PRAME: variants seen among roughly 807,000 people sequenced by gnomAD.
PRAME encodes the protein PRAME nuclear receptor transcriptional regulator.
Under a neutral mutation model 32.1 loss-of-function variants are expected in PRAME, and 21 were observed. The observed-to-expected ratio is 0.65, with a 90% CI of 0.46 to 0.94. The LOEUF (loss-of-function observed/expected upper bound fraction) is 0.94. PRAME is among the 40% of genes least tolerant of loss of function. PRAME has a pLI of 0.00. For missense variants in PRAME, 651 were observed against 622.3 expected (o/e 1.05, Z -0.49); for synonymous variants, 274 against 251.5 (o/e 1.09, Z -0.85).
intron 3 of PRAME, among the ~76,000 whole-genome samples, chr22:22,552,405 CAAAAA>C (rs10709082): frequency 2.5e-5 from 3 of 121,542 alleles, no homozygotes; most frequent in African/African-American, 8.7e-5. Context: ...TTTTATTTTC[CAAAAA>C]AAAAAAAAAA....
chr22:22,552,686 C>A, intron 3 of PRAME: 1 of 305,822 alleles, frequency 3.3e-6, no homozygotes, highest in East Asian at 8.4e-5. Flanking sequence ...AGAACAAAGC[C>A]TGTTCCTTTG....
chr22:22,550,104 A>G lies in PRAME; in HGVS notation c.575T>C (p.Phe192Ser). 2 of 1,613,888 alleles carry G rather than the reference A, an allele frequency of 1.2e-6. No individual in the cohort carries two copies. The highest frequency in any genetic ancestry group is 1.7e-6 in the Non-Finnish European group (2 of 1,179,978). The change falls in exon 5 of 6, where the codon TTC becomes TCC. Residue 192 changes from phenylalanine (F) to serine (S), a missense_variant. Phe to Ser is a radical substitution (Grantham distance 155, BLOSUM62 -2). Coordinates refer to ENST00000405655, the MANE Select transcript of PRAME (RefSeq NM_206956.3). The stretch of plus-strand genomic sequence containing the variant: ...CTTCACTTTCTCAATGAGGTAGGAG[A>G]ACAATTCATCACAGGCACCTTCCTT... ...FLKEGACDEL[F>S]SYLIEKVKRK... is the part of the protein sequence containing the mutation.
In PRAME at chr22:22,550,882, G is replaced by A. The variant is rs774316980; in HGVS notation, c.229C>T (p.Pro77Ser). 6.2e-7 allele frequency: 1 copy of A among 1,613,860 alleles called. No individual in the cohort carries two copies. The highest frequency in any genetic ancestry group is 1.1e-5 in the South Asian group (1 of 91,078). The change falls in exon 4 of 6, where the codon CCC becomes TCC. Residue 77 changes from proline (P) to serine (S), a missense_variant. By Grantham distance (74) the Pro-to-Ser change is moderately conservative. Coordinates refer to ENST00000405655, the MANE Select transcript of PRAME (RefSeq NM_206956.3). ...ACTCCCAGAGGGAGGCAGGTGAAGG[G>A]CCAGGCCTGCACCATTGCCTTCAGG... ...QTLKAMVQAW[P>S]FTCLPLGVLM...
intron 3 of PRAME, among the ~76,000 whole-genome samples, chr22:22,556,166 A>AT (rs944139537): frequency 1.3e-5 from 2 of 150,320 alleles, no homozygotes; most frequent in African/African-American, 2.5e-5. Flanking sequence ...CGCCCAGCTA[A>AT]TTTTTTTTCT....
chr22:22,548,383 C>A lies in PRAME; in HGVS notation c.1214G>T (p.Cys405Phe). 1 of 1,613,460 alleles carries A rather than the reference C, an allele frequency of 6.2e-7. No homozygotes were observed. The highest frequency in any genetic ancestry group is 1.7e-4 in the Middle Eastern group (1 of 6,054). Residue 405 changes from cysteine (C) to phenylalanine (F), a missense_variant, in exon 6 of 6, where the codon TGC becomes TTC. By Grantham distance (205) the Cys-to-Phe change is radical (BLOSUM62 -2). Coordinates refer to ENST00000405655, the MANE Select transcript of PRAME (RefSeq NM_206956.3). The stretch of plus-strand genomic sequence containing the variant: ...GAAGCTTAAGGTCGTAAGCTGGGAG[C>A]AGTGGCTCAGGGAAGGCAGGAGGGC... ...LLALLPSLSH[C>F]SQLTTLSFYG...
chr22:22,554,088 A>G (rs893573122), intron 3 of PRAME: 13 of 930,924 alleles, frequency 1.4e-5, no homozygotes, highest in Non-Finnish European at 1.6e-5. Context: ...GCACAAATAC[A>G]TTTTCCGTCA....
At position 22,559,216 on chromosome 22, in the gene PRAME, G is replaced by C. The variant is rs2063182902; in HGVS notation, c.-359C>G. ...CCTGGGAAGCGGGTGGGGTGTCCCG[G>C]AGCGGTGCTGAGGCGCTGCAGGCCC... On this transcript the variant is annotated 5_prime_UTR_variant, in exon 1 of 6. Transcript: ENST00000405655. 3.4e-6 allele frequency: 1 copy of C among 296,068 alleles called. No homozygotes were observed. Among genetic ancestry groups the C allele is most frequent in the Non-Finnish European group, 6.6e-6 (1 of 151,288 alleles). The allele number at this position is 296,068 out of a possible 1,614,324, so 18.3% of individuals were successfully genotyped here.
chr22:22,551,158 C>A, intron 3 of PRAME, 69 bp from the exon 4 acceptor site: 1 of 1,427,886 alleles, frequency 7.0e-7, no homozygotes, highest in Non-Finnish European at 9.5e-7. Context: ...CTTTTCCTCA[C>A]CCTTCTGAGG....
chr22:22,558,602 G>A (rs1240910395), intron 1 of PRAME, among the ~76,000 whole-genome samples: 2 of 142,554 alleles, frequency 1.4e-5, no homozygotes, highest in African/African-American at 5.2e-5. Context: ...AATACGTGAT[G>A]GCTGCGGCCT....
chr22:22,548,430 C>A lies in PRAME; in HGVS notation c.1167G>T (p.Gly389=). 6.2e-7 allele frequency: 1 copy of A among 1,613,582 alleles called. No homozygotes were observed. The highest frequency in any genetic ancestry group is 8.5e-7 in the Non-Finnish European group (1 of 1,179,936). Residue 389 remains glycine (G), a synonymous_variant, in exon 6 of 6, where the codon GGG becomes GGT. Transcript: ENST00000405655. ...GGGCAAGGAGCTGATCATCCGTGAT[C>A]CCACACTCATCAAAGACCAGGTCCT... ...TLQDLVFDEC[G]ITDDQLLALL...
chr22:22,548,852 TCTCAAACACTC>T (rs1171991368), intron 5 of PRAME, among the ~76,000 whole-genome samples: 1 of 151,784 alleles, frequency 6.6e-6, no homozygotes, highest in African/African-American at 2.4e-5. Flanking sequence ...TAAACAAAGA[TCTCAAACACTC>T]CCTTGGCTCA....
At chr22:22,551,602 A>G (rs1328336220) in intron 3 of PRAME, among the ~76,000 whole-genome samples, 1 of 151,058 alleles carries the variant, frequency 6.6e-6, no homozygotes, top group Admixed American at 6.6e-5. Context: ...CAGAAGCAGC[A>G]CAACAGTATT....
Position 22,548,517 on chromosome 22 carries a change from C to T in PRAME, c.1080G>A (p.Met360Ile). ...QLSVLSLSGV[M>I]LTDVSPEPLQ... ...GGGGCTCGGGACTTACATCGGTCAG[C>T]ATGACCCCACTTAGACTCAGGACAC... The change falls in exon 6 of 6, where the codon ATG becomes ATA. Residue 360 changes from methionine (M) to isoleucine (I), a missense_variant. Coordinates refer to ENST00000405655, the MANE Select transcript of PRAME (RefSeq NM_206956.3). The T allele has an allele frequency of 1.2e-6, 2 of 1,613,732 alleles. No homozygotes were observed. Among genetic ancestry groups the T allele is most frequent in the Non-Finnish European group, 1.7e-6 (2 of 1,179,942 alleles).
Position 22,549,922 on chromosome 22 carries a change from AAAATTT to A in PRAME, c.751_756del (p.Lys251_Phe252del). ...TTAATCATCTGGCCCAGGTAAGGAG[AAAATTT>A]CGCCAAGGTGGGTAGCTTCCAGGTA... On this transcript the variant is annotated inframe_deletion, in exon 5 of 6. Transcript: ENST00000405655. 6.2e-7 allele frequency: 1 copy of A among 1,613,792 alleles called. No individual in the cohort carries two copies. Among genetic ancestry groups the A allele is most frequent in the Non-Finnish European group, 8.5e-7 (1 of 1,179,942 alleles).
chr22:22,551,289 C>G (rs2062551309), intron 3 of PRAME, among the ~76,000 whole-genome samples, 200 bp from the exon 4 acceptor site: 1 of 151,934 alleles, frequency 6.6e-6, no homozygotes. Context: ...GGATGAACAT[C>G]TCATCAAGTG....
intron 2 of PRAME, 32 bp downstream of exon 2, chr22:22,557,512 CG>C (rs962655820): frequency 2.6e-5 from 4 of 152,534 alleles, no homozygotes; most frequent in African/African-American, 9.7e-5. Flanking sequence ...GGTCACCCTG[CG>C]GGGAAGCGGA....
intron 1 of PRAME, among the ~76,000 whole-genome samples, chr22:22,558,758 C>T (rs981356404): frequency 1.3e-5 from 2 of 151,296 alleles, no homozygotes; most frequent in Non-Finnish European, 2.9e-5. Flanking sequence ...GGACTCTGTC[C>T]TGGGTCTGTG....
chr22:22,558,558 T>A (rs2063133595), intron 1 of PRAME, among the ~76,000 whole-genome samples: 1 of 61,310 alleles, frequency 1.6e-5, no homozygotes, highest in African/African-American at 6.8e-5. Flanking sequence ...GGAAAGAAAG[T>A]CAGAAGGTGG....
Position 22,559,248 on chromosome 22 carries a change from T to C in PRAME, c.-391A>G, listed in dbSNP as rs894113822. The stretch of plus-strand genomic sequence containing the variant: ...GCTGAGGCGCTGCAGGCCCGGCTTC[T>C]GGCTGCGGGGGAGCTGTACCCTGAA... On this transcript the variant is annotated 5_prime_UTR_variant, in exon 1 of 6. Transcript: ENST00000405655. 1 of 314,148 alleles carries C rather than the reference T, an allele frequency of 3.2e-6. No homozygotes were observed. The highest frequency in any genetic ancestry group is 6.3e-6 in the Non-Finnish European group (1 of 159,976). The allele number at this position is 314,148 out of a possible 1,614,324, so 19.5% of individuals were successfully genotyped here.
Sources: gnomAD v4.1 joint callset for allele counts (sites outside exome capture counted in the v4.1 genomes callset) on GRCh38, gnomAD v4.1.1 for gene constraint, MANE v1.5 for transcripts, NCBI Gene and HGNC (gene_info 2026-07-23, HGNC 2026-07-21) for gene names.